The following CCDC60 variants were observed in gnomAD, a reference collection of about 807,000 sequenced individuals.
CCDC60 encodes coiled-coil domain containing 60.
A neutral mutation model predicts 63.5 loss-of-function variants in CCDC60; 54 were observed. The observed-to-expected ratio is 0.85, with a 90% CI of 0.68 to 1.07. The LOEUF is 1.07. Ranked by LOEUF, CCDC60 falls within the 50% of genes least tolerant of loss-of-function variation. The pLI, the probability that CCDC60 is intolerant of heterozygous loss-of-function variation, is 0.00. For missense variants in CCDC60, 651 were observed against 684.3 expected, an observed-to-expected ratio of 0.95 and a Z score of 0.54; for synonymous variants, 206 against 238.8, an observed-to-expected ratio of 0.86 and a Z score of 1.27.
chr12:119,415,404 C>T (rs934688870), intron 1 of CCDC60, among the ~76,000 whole-genome samples: 19 of 152,188 alleles, frequency 1.2e-4, no homozygotes, highest in African/African-American at 4.6e-4. Flanking sequence ...GAGATCAGGA[C>T]AGTGGAGCAA....
intron 2 of CCDC60, among the ~76,000 whole-genome samples, chr12:119,450,072 T>G (rs1245649631): frequency 2.0e-5 from 3 of 152,186 alleles, no homozygotes; most frequent in African/African-American, 7.2e-5. Flanking sequence ...TGTGGTATAC[T>G]ACTTAGCCAT....
At chr12:119,364,133 A>G (rs991254349) in intron 1 of CCDC60, among the ~76,000 whole-genome samples, 1 of 152,026 alleles carries the variant, frequency 6.6e-6, no homozygotes, top group African/African-American at 2.4e-5. Context: ...GTTTCGAGCT[A>G]GGATATTTGC....
At position 119,503,589 on chromosome 12, in the gene CCDC60, T is replaced by A. The variant is rs930123196; in HGVS notation, c.649-1480T>A. Among the ~76,000 whole-genome samples the A allele has an allele frequency of 3.9e-5, 6 of 152,316 alleles. No homozygotes were observed. In the South Asian group the frequency reaches 1.0e-3, roughly 26 times the overall value. ...AATTTCACTGAAGATTTGAGAGAGA[T>A]GAGGCAGGCACAGGGAGAGATCATA... is the stretch of plus-strand genomic sequence containing the variant. On this transcript the variant is annotated intron_variant, in intron 6 of 13. Transcript: ENST00000327554.
At chr12:119,352,658 C>T (rs984071395) in intron 1 of CCDC60, among the ~76,000 whole-genome samples, 3 of 152,114 alleles carry the variant, frequency 2.0e-5, no homozygotes, top group Non-Finnish European at 4.4e-5. Flanking sequence ...ACTTCCCAGT[C>T]AGACATGGTG....
intron 2 of CCDC60, among the ~76,000 whole-genome samples, chr12:119,439,406 T>C (rs748630765): frequency 2.2e-4 from 34 of 152,280 alleles, no homozygotes; most frequent in Non-Finnish European, 3.4e-4. Context: ...ATTTACATCC[T>C]TAATTTACCA....
At chr12:119,403,311 C>T (rs773639384) in intron 1 of CCDC60, among the ~76,000 whole-genome samples, 63 of 152,152 alleles carry the variant, frequency 4.1e-4, no homozygotes, top group Non-Finnish European at 4.9e-4. Context: ...TGTTCACCTC[C>T]GAAGCCACAT....
intron 8 of CCDC60, among the ~76,000 whole-genome samples, chr12:119,517,155 T>A (rs912068603): frequency 5.4e-5 from 8 of 147,664 alleles, no homozygotes; most frequent in Non-Finnish European, 1.0e-4. Flanking sequence ...ATCTGGCTAA[T>A]TTTTTTTTTA....
chr12:119,396,358 G>A (rs949423222), intron 1 of CCDC60, among the ~76,000 whole-genome samples: 1 of 152,184 alleles, frequency 6.6e-6, no homozygotes, highest in African/African-American at 2.4e-5. Flanking sequence ...CTGGGTGGAT[G>A]TGAGTTTCAG....
chr12:119,346,119 C>G (rs1359370386), intron 1 of CCDC60, among the ~76,000 whole-genome samples: 1 of 151,616 alleles, frequency 6.6e-6, no homozygotes. Flanking sequence ...GCCACTGTAC[C>G]TGGCCTGGCT....
chr12:119,384,298 G>A (rs1006042862), intron 1 of CCDC60, among the ~76,000 whole-genome samples: 2 of 152,192 alleles, frequency 1.3e-5, no homozygotes, highest in African/African-American at 4.8e-5. Context: ...AATGAAAGAT[G>A]CTTCATTAGG....
Position 119,456,807 on chromosome 12 carries a change from A to T in CCDC60, c.171-15187A>T, listed in dbSNP as rs1950757707. The stretch of plus-strand genomic sequence containing the variant: ...TGACAGGAGTGTAGCAGTGAGGACG[A>T]CCAGAGGTCACTCTTGTCGCCATCT... On this transcript the variant is annotated intron_variant, in intron 2 of 13. Coordinates refer to ENST00000327554, the MANE Select transcript of CCDC60 (RefSeq NM_178499.5). The surrounding 1 kb of genome is among the most constrained non-coding windows in gnomAD (Gnocchi z 4.6). Among the ~76,000 whole-genome samples, 1 of 152,188 alleles carries T rather than the reference A, an allele frequency of 6.6e-6. No homozygotes were observed. Among genetic ancestry groups the T allele is most frequent in the Admixed American group, 6.5e-5 (1 of 15,278 alleles).
intron 2 of CCDC60, among the ~76,000 whole-genome samples, chr12:119,464,841 CATG>C (rs1470671991): frequency 6.6e-6 from 1 of 152,190 alleles, no homozygotes; most frequent in Non-Finnish European, 1.5e-5. Flanking sequence ...CAAAATATTA[CATG>C]ATGATGTGCA....
Position 119,441,180 on chromosome 12 carries a change from G to C in CCDC60, c.170+12418G>C, listed in dbSNP as rs898987348. Among the ~76,000 whole-genome samples the C allele has an allele frequency of 3.3e-5, 5 of 152,110 alleles. No individual in the cohort carries two copies. In the East Asian group the frequency reaches 5.8e-4, roughly 18 times the overall value. On this transcript the variant is annotated intron_variant, in intron 2 of 13. Transcript: ENST00000327554. ...AGCTGAAGCAAACATGATACAGGGC[G>C]GGGGGAGTCAGGATGTTCATAAGCG...
At chr12:119,394,645 C>G (rs1956218771) in intron 1 of CCDC60, among the ~76,000 whole-genome samples, 2 of 152,206 alleles carry the variant, frequency 1.3e-5, no homozygotes, top group African/African-American at 4.8e-5. Context: ...CTGGTCTCCC[C>G]AAGACTGAAT....
At chr12:119,480,573 C>T (rs1457282821) in intron 4 of CCDC60, among the ~76,000 whole-genome samples, 2 of 152,072 alleles carry the variant, frequency 1.3e-5, no homozygotes, top group African/African-American at 2.4e-5. Context: ...CCATCATCAT[C>T]ATCACCATCA....
intron 2 of CCDC60, among the ~76,000 whole-genome samples, chr12:119,460,168 C>T (rs951605990): frequency 2.0e-5 from 3 of 152,142 alleles, no homozygotes; most frequent in African/African-American, 7.2e-5. Flanking sequence ...AAATCCAATG[C>T]TGCAGAAAAG....
intron 1 of CCDC60, among the ~76,000 whole-genome samples, chr12:119,389,370 T>C (rs2136194287): frequency 6.6e-6 from 1 of 152,308 alleles, no homozygotes; most frequent in South Asian, 2.1e-4. Context: ...GCCTTCATAC[T>C]ACAAGGGCAG....
At chr12:119,534,396 A>G (rs1952942754) in intron 13 of CCDC60, among the ~76,000 whole-genome samples, 1 of 152,172 alleles carries the variant, frequency 6.6e-6, no homozygotes, top group Admixed American at 6.5e-5. Context: ...TCCTAAGTGA[A>G]TACCCTTTAT....
At chr12:119,515,040 A>C (rs1414246401) in intron 7 of CCDC60, among the ~76,000 whole-genome samples, 1 of 152,230 alleles carries the variant, frequency 6.6e-6, no homozygotes, top group Non-Finnish European at 1.5e-5. Flanking sequence ...ATAGTAAGCT[A>C]TGCCCAGGTG....
Sources: gnomAD v4.1 joint callset for allele counts (sites outside exome capture counted in the v4.1 genomes callset) on GRCh38, gnomAD v4.1.1 for gene constraint, Gnocchi (gnomAD v3.1) non-coding constraint, MANE v1.5 for transcripts, NCBI Gene and HGNC (gene_info 2026-07-23, HGNC 2026-07-21) for gene names.